The following AGA variants were observed in gnomAD, a reference collection of about 807,000 sequenced individuals.
AGA encodes N(4)-(beta-N-acetylglucosaminyl)-L-asparaginase.
In AGA, 31 loss-of-function variants were observed where a neutral mutation model predicts 40.1. That is an observed-to-expected ratio of 0.77 (90% CI 0.58 to 1.04). AGA has a LOEUF of 1.04. Among genes scored for constraint, AGA ranks in the 50% least tolerant of loss-of-function variants. AGA has a pLI of 0.00. For synonymous variants in AGA, 148 were observed against 144.0 expected (o/e 1.03, Z -0.20); for missense variants, 445 against 435.4 (o/e 1.02, Z -0.20).
chr4:177,431,024 C>T lies in AGA; in HGVS notation c.*684G>A, dbSNP rs180835176. 1.8e-5 allele frequency: 8 copies of T among 453,988 alleles called. No individual in the cohort carries two copies. Among genetic ancestry groups the T allele is most frequent in the South Asian group, 6.2e-5 (4 of 64,474 alleles). The allele number at this position is 453,988 out of a possible 1,614,324, so 28.1% of individuals were successfully genotyped here. On this transcript the variant is annotated 3_prime_UTR_variant, in exon 9 of 9. Coordinates refer to ENST00000264595, the MANE Select transcript of AGA (RefSeq NM_000027.4). ...TTCCCCAAATCATTTTTAAAAGAAACGATCAATACTAAATATTAGCAGCTA... is the reference window on the plus strand; with the variant it reads ...TTCCCCAAATCATTTTTAAAAGAAATGATCAATACTAAATATTAGCAGCTA...
rs1736629914 is a variant in AGA at position 177,431,445 on chromosome 4, A to T, written c.*263T>A. ...GCAATTTTTTGCAACACTGATCAGA[A>T]ATCCAAGTGTCACTTAAAACTTAAA... On this transcript the variant is annotated 3_prime_UTR_variant, in exon 9 of 9. Coordinates refer to ENST00000264595, the MANE Select transcript of AGA (RefSeq NM_000027.4). The T allele has an allele frequency of 1.2e-5, 6 of 488,774 alleles. No individual in the cohort carries two copies. Among genetic ancestry groups the T allele is most frequent in the Non-Finnish European group, 2.3e-5 (6 of 266,266 alleles). The allele number at this position is 488,774 out of a possible 1,614,324, so 30.3% of individuals were successfully genotyped here. A position where few individuals can be genotyped will look rare whatever the true frequency, so the allele number is the denominator to read the frequency against.
chr4:177,433,369 C>A (rs761514160), intron 7 of AGA, 22 bp from the exon 8 acceptor site: 50 of 1,613,674 alleles, frequency 3.1e-5, no homozygotes, highest in Non-Finnish European at 4.1e-5. Context: ...AGAGGTGAAA[C>A]CTTAGTGTCT....
At chr4:177,436,908 G>T (rs751465343) in intron 5 of AGA, among the ~76,000 whole-genome samples, 4 of 152,208 alleles carry the variant, frequency 2.6e-5, no homozygotes, top group South Asian at 2.1e-4. Flanking sequence ...AGTTCTACCC[G>T]ATTTCCTGTC....
At chr4:177,439,798 T>C in intron 2 of AGA, 110 bp from the exon 3 acceptor site, 1 of 834,502 alleles carries the variant, frequency 1.2e-6, no homozygotes, top group Non-Finnish European at 2.1e-6. Context: ...CTCCACCATC[T>C]TAACACAGAA....
Position 177,434,466 on chromosome 4 carries a change from G to C in AGA, c.722C>G (p.Pro241Arg), listed in dbSNP as rs140889732. Residue 241 changes from proline (P) to arginine (R), a missense_variant, in exon 7 of 9, where the codon CCT becomes CGT. Physicochemically the swap from Pro to Arg is moderately radical, Grantham distance 103 (BLOSUM62 -2). Coordinates refer to ENST00000264595, the MANE Select transcript of AGA (RefSeq NM_000027.4). ...IHGRVGDSPI[P>R]GAGAYADDTA... The stretch of plus-strand genomic sequence containing the variant: ...ATCGTCAGCATAGGCTCCAGCTCCA[G>C]GTATTGGTGAGTCTCCTACACGGCT... 2 of 1,614,042 alleles carry C rather than the reference G, an allele frequency of 1.2e-6. No individual in the cohort carries two copies. Among genetic ancestry groups the C allele is most frequent in the African/African-American group, 1.3e-5 (1 of 74,920 alleles).
At chr4:177,434,192 A>T (rs1736720684) in intron 7 of AGA, among the ~76,000 whole-genome samples, 190 bp downstream of exon 7, 1 of 151,952 alleles carries the variant, frequency 6.6e-6, no homozygotes, top group Non-Finnish European at 1.5e-5. Context: ...AACGGTCAGG[A>T]GTTCGAGACC....
chr4:177,431,839 G>C (rs774955722), intron 8 of AGA, 31 bp from the exon 9 acceptor site: 2 of 1,545,780 alleles, frequency 1.3e-6, no homozygotes, highest in African/African-American at 1.4e-5. Flanking sequence ...GAAGTTTGGT[G>C]AACTATAGGA....
At position 177,433,330 on chromosome 4, in the gene AGA, T is replaced by C. The variant is rs1254844989; in HGVS notation, c.824A>G (p.Tyr275Cys). Reference protein sequence around the residue: ...RFLPSYQAVEYMRRGEDPTIA... With the variant: ...RFLPSYQAVECMRRGEDPTIA... ...GGTTGGATCTTCTCCTCTTCTCATG[T>C]ATTCTACAGCTTGGTAGCTGATTGA... Residue 275 changes from tyrosine to cysteine, a missense_variant, in exon 8 of 9, where the codon TAC becomes TGC. Coordinates refer to ENST00000264595, the MANE Select transcript of AGA (RefSeq NM_000027.4). The C allele has an allele frequency of 6.2e-7, 1 of 1,613,956 alleles. No homozygotes were observed. The highest frequency in any genetic ancestry group is 1.3e-5 in the African/African-American group (1 of 74,936).
chr4:177,439,949 GA>G (rs1489140437), intron 2 of AGA: 1 of 585,538 alleles, frequency 1.7e-6, no homozygotes, highest in Admixed American at 3.0e-5. Context: ...TATGGCTTTT[GA>G]AAGGGGCCTG....
chr4:177,433,651 C>A (rs191498416), intron 7 of AGA, among the ~76,000 whole-genome samples: 10 of 152,234 alleles, frequency 6.6e-5, no homozygotes, highest in Non-Finnish European at 1.5e-4. Flanking sequence ...AAAAAGAATA[C>A]AGATTTTCAA....
intron 4 of AGA, among the ~76,000 whole-genome samples, chr4:177,438,125 G>A (rs1736883936): frequency 6.6e-6 from 1 of 152,094 alleles, no homozygotes; most frequent in South Asian, 2.1e-4. Flanking sequence ...AGTGCGCTAG[G>A]TGCCTCCCCT....
In AGA at chr4:177,440,256, C is replaced by T; in HGVS notation, c.281+17G>A. On this transcript the variant is annotated intron_variant, in intron 2 of 8. Coordinates refer to ENST00000264595, the MANE Select transcript of AGA (RefSeq NM_000027.4). ...TGTAACTCAACATAATAAATAGGAC[C>T]TGAACGGTGTTCTTACCCATCCATG... 6.2e-7 allele frequency: 1 copy of T among 1,613,712 alleles called. No individual in the cohort carries two copies. The highest frequency in any genetic ancestry group is 1.1e-5 in the South Asian group (1 of 91,074).
chr4:177,437,785 T>TTA (rs767387493), intron 4 of AGA, among the ~76,000 whole-genome samples: 8 of 152,126 alleles, frequency 5.3e-5, no homozygotes, highest in Admixed American at 1.3e-4. Context: ...ATTTCTCTCT[T>TTA]TATATATATC....
intron 4 of AGA, 74 bp from the exon 5 acceptor site, chr4:177,437,593 C>G (rs1054678808): frequency 1.3e-5 from 13 of 1,034,384 alleles, no homozygotes; most frequent in Admixed American, 9.6e-5. Context: ...TGTACAATCG[C>G]TAAACACTAG....
Position 177,434,371 on chromosome 4 carries a change from A to G in AGA, c.806+11T>C, listed in dbSNP as rs758650260. On this transcript the variant is annotated intron_variant, in intron 7 of 8. Transcript: ENST00000264595. Reference sequence around the variant, plus strand: ...AAAGGTCTCTAAAATTCACAAACTAAGAAGTCATACCTTGGCAGGAAGCGC... The same window carrying G: ...AAAGGTCTCTAAAATTCACAAACTAGGAAGTCATACCTTGGCAGGAAGCGC... The G allele has an allele frequency of 1.2e-6, 2 of 1,611,610 alleles. No homozygotes were observed. Among genetic ancestry groups the G allele is most frequent in the Admixed American group, 3.3e-5 (2 of 60,016 alleles).
Position 177,433,252 on chromosome 4 carries a change from A to T in AGA, c.902T>A (p.Phe301Tyr). The T allele has an allele frequency of 6.2e-7, 1 of 1,614,130 alleles. No homozygotes were observed. The highest frequency in any genetic ancestry group is 1.3e-5 in the African/African-American group (1 of 75,070). ...SRIQKHFPEF[F>Y]GAVICANVTG... Reference sequence around the variant, plus strand: ...CACATTGGCACATATAACAGCCCCAAAGAATTCTGGAAAATGCTTCTGGAT... The same window carrying T: ...CACATTGGCACATATAACAGCCCCATAGAATTCTGGAAAATGCTTCTGGAT... The change falls in exon 8 of 9, where the codon TTT becomes TAT. Residue 301 changes from phenylalanine to tyrosine, a missense_variant. Transcript: ENST00000264595.
chr4:177,440,463 A>AT, intron 1 of AGA, 37 bp from the exon 2 acceptor site: 1 of 1,600,996 alleles, frequency 6.2e-7, no homozygotes. Context: ...GTTTATATAT[A>AT]TATTTTTTTT....
rs140889732 is a variant in AGA, at chr4:177,434,466, G to A, written c.722C>T (p.Pro241Leu). ...ATCGTCAGCATAGGCTCCAGCTCCAGGTATTGGTGAGTCTCCTACACGGCT... is the reference window on the plus strand; with the variant it reads ...ATCGTCAGCATAGGCTCCAGCTCCAAGTATTGGTGAGTCTCCTACACGGCT... ...IHGRVGDSPIPGAGAYADDTA... is the reference protein window; with the variant it reads ...IHGRVGDSPILGAGAYADDTA... The change falls in exon 7 of 9, where the codon CCT becomes CTT. Residue 241 changes from proline to leucine, a missense_variant. By Grantham distance (98) the Pro-to-Leu change is moderately conservative. Coordinates refer to ENST00000264595, the MANE Select transcript of AGA (RefSeq NM_000027.4). The A allele has an allele frequency of 3.1e-6, 5 of 1,614,160 alleles. No individual in the cohort carries two copies. Among genetic ancestry groups the A allele is most frequent in the Admixed American group, 1.7e-5 (1 of 60,022 alleles).
At position 177,442,288 on chromosome 4, in the gene AGA, C is replaced by T. The variant is rs752156485; in HGVS notation, c.88G>A (p.Val30Ile). The T allele has an allele frequency of 1.2e-6, 2 of 1,613,960 alleles. No individual in the cohort carries two copies. Among genetic ancestry groups the T allele is most frequent in the African/African-American group, 1.3e-5 (1 of 74,928 alleles). ...LVRCSSPLPL[V>I]VNTWPFKNAT... is the part of the protein sequence containing the mutation. ...TTCTTAAAGGGCCAAGTGTTGACGA[C>T]CAGGGGCAGAGGGCTGGAGCAGCGC... is the stretch of plus-strand genomic sequence containing the variant. Residue 30 changes from valine (V) to isoleucine (I), a missense_variant, in exon 1 of 9, where the codon GTC (valine) becomes ATC (isoleucine). Physicochemically the swap from Val to Ile is conservative, Grantham distance 29. Transcript: ENST00000264595.
Sources: allele counts gnomAD v4.1 joint callset (sites outside exome capture counted in the v4.1 genomes callset), GRCh38; gene constraint gnomAD v4.1.1; transcripts MANE v1.5; gene names NCBI Gene and HGNC (gene_info 2026-07-23, HGNC 2026-07-21).